Variants in CHD2 observed in about 807,000 individuals in gnomAD.
CHD2 encodes chromodomain helicase DNA binding protein 2.
Under a neutral mutation model 243.9 loss-of-function variants are expected in CHD2, and 28 were observed. That is an observed-to-expected ratio of 0.11 (90% CI 0.09 to 0.16). The LOEUF is 0.16. Among genes scored for constraint, CHD2 ranks in the 10% least tolerant of loss-of-function variants. CHD2 has a pLI of 1.00. For synonymous variants in CHD2, 775 were observed against 779.0 expected (o/e 0.99, Z 0.09); for missense variants, 1,386 against 2,209.8 (o/e 0.63, Z 7.47).
chr15:92,929,933 T>A lies in CHD2; in HGVS notation c.443+842T>A, dbSNP rs1274239612. ...ATTTCCTCATCTCCAAAAAAAAAAA[T>A]AATACCATCTACCCAACAGGATTAT... On this transcript the variant is annotated intron_variant, in intron 5 of 38. Coordinates refer to ENST00000394196, the MANE Select transcript of CHD2 (RefSeq NM_001271.4). Among the ~76,000 whole-genome samples, 6 of 151,820 alleles carry A rather than the reference T, an allele frequency of 4.0e-5. No homozygotes were observed. The East Asian group carries it at 5.8e-4, about 15-fold the overall frequency.
At chr15:92,987,683 G>T (rs758307995) in intron 26 of CHD2, among the ~76,000 whole-genome samples, 22 of 147,288 alleles carry the variant, frequency 1.5e-4, no homozygotes, top group Non-Finnish European at 1.6e-4. Flanking sequence ...TCTTTTTTTT[G>T]ATTGCAGTAT....
At chr15:92,939,491 AC>A (rs2053322609) in intron 6 of CHD2, 86 bp from the exon 7 acceptor site, 1 of 1,374,808 alleles carries the variant, frequency 7.3e-7, no homozygotes, top group African/African-American at 1.5e-5. Flanking sequence ...TGATGTATGA[AC>A]CACTGCTCTG....
At chr15:92,904,494 A>C (rs761174697) in intron 2 of CHD2, 2 of 990,060 alleles carry the variant, frequency 2.0e-6, no homozygotes, top group Non-Finnish European at 2.4e-6. Context: ...CGCCGAGGGG[A>C]AAAGGAAGGG....
At chr15:92,991,418 C>A in intron 26 of CHD2, 58 bp from the exon 27 acceptor site, 1 of 1,305,968 alleles carries the variant, frequency 7.7e-7, no homozygotes, top group Non-Finnish European at 1.1e-6. Context: ...ATGCTAGCAT[C>A]AACATAACTA....
intron 2 of CHD2, among the ~76,000 whole-genome samples, chr15:92,909,892 A>G (rs1037750124): frequency 1.3e-5 from 2 of 152,002 alleles, no homozygotes; most frequent in Non-Finnish European, 2.9e-5. Context: ...GTAGATTTAT[A>G]TTTATTGAGT....
chr15:93,015,386 CTAT>C (rs1212387579), intron 37 of CHD2, among the ~76,000 whole-genome samples: 2 of 152,148 alleles, frequency 1.3e-5, no homozygotes, highest in Non-Finnish European at 2.9e-5. Context: ...GCCCCCAGGA[CTAT>C]TATTTCAACT....
intron 12 of CHD2, 45 bp from the exon 13 acceptor site, chr15:92,948,904 ATAG>A: frequency 6.3e-7 from 1 of 1,575,610 alleles, no homozygotes; most frequent in East Asian, 2.2e-5. Flanking sequence ...GCGTTTTAAC[ATAG>A]TAGCAGTAAG....
intron 2 of CHD2, among the ~76,000 whole-genome samples, chr15:92,923,193 G>T (rs2052992397): frequency 6.6e-6 from 1 of 152,196 alleles, no homozygotes; most frequent in Admixed American, 6.5e-5. Flanking sequence ...GCTCCTATTA[G>T]TGAGAACCAC....
At chr15:92,940,837 TAA>T (rs1426808227) in intron 7 of CHD2, among the ~76,000 whole-genome samples, 1 of 136,632 alleles carries the variant, frequency 7.3e-6, no homozygotes, top group South Asian at 2.3e-4. Flanking sequence ...TATAAATATA[TAA>T]AAATATATAT....
chr15:93,018,570 G>C (rs554570339), intron 37 of CHD2, among the ~76,000 whole-genome samples: 1 of 152,310 alleles, frequency 6.6e-6, no homozygotes, highest in East Asian at 1.9e-4. Flanking sequence ...TCACAGACTA[G>C]GTGGCTTCAA....
intron 2 of CHD2, 121 bp downstream of exon 2, chr15:92,901,420 A>G (rs2052527630): frequency 1.3e-5 from 9 of 687,588 alleles, no homozygotes; most frequent in South Asian, 1.2e-4. Context: ...TCTAATTTGG[A>G]TTCGTTTTTT....
intron 16 of CHD2, among the ~76,000 whole-genome samples, chr15:92,961,975 A>C (rs1430487952): frequency 7.5e-6 from 1 of 134,134 alleles, no homozygotes; most frequent in Admixed American, 9.0e-5. Context: ...TCCGCCTTCC[A>C]GTTTCAAGTG....
In CHD2 at chr15:92,953,580, A is replaced by G; in HGVS notation, c.1719+7A>G. The G allele has an allele frequency of 6.2e-7, 1 of 1,611,262 alleles. No individual in the cohort carries two copies. On this transcript the variant is annotated splice_region_variant and intron_variant, in intron 14 of 38. Transcript: ENST00000394196. ...CCTGATGAGCAGAAATACGGTGTGT[A>G]AACAAAAAGAGCTGGGTTAGAATCT...
chr15:92,967,271 C>A, intron 16 of CHD2, 54 bp from the exon 17 acceptor site: 2 of 1,256,750 alleles, frequency 1.6e-6, no homozygotes, highest in African/African-American at 1.5e-5. Context: ...GTTTTTTTTC[C>A]TATTCTTCTT....
rs182024686 is a variant in CHD2, at chr15:92,942,392, C to T, written c.826+437C>T. Among the ~76,000 whole-genome samples, 1,049 of 147,016 alleles carry T rather than the reference C, an allele frequency of 7.1e-3. 12 individuals are homozygous for T. Among genetic ancestry groups the T allele is most frequent in the Non-Finnish European group, 7.6e-3 (506 of 66,924 alleles). ...GGAAATACCAAAATAATACTTAATGCTTTTTCTTTTGGCTTTTTTTTTTTT... is the reference window on the plus strand; with the variant it reads ...GGAAATACCAAAATAATACTTAATGTTTTTTCTTTTGGCTTTTTTTTTTTT... On this transcript the variant is annotated intron_variant, in intron 8 of 38. Transcript: ENST00000394196.
In CHD2 at chr15:93,014,829, C is replaced by G; in HGVS notation, c.4826C>G (p.Pro1609Arg). The G allele has an allele frequency of 6.2e-7, 1 of 1,614,170 alleles. No individual in the cohort carries two copies. ...HNLHPQKPHL[P>R]ASHGPQMHGH... ...CTTCACCCTCAGAAGCCTCATTTGC[C>G]TGCCTCCCATGGCCCACAGATGCAT... is the stretch of plus-strand genomic sequence containing the variant. The change falls in exon 37 of 39, where the codon CCT becomes CGT. Residue 1609 changes from proline (P) to arginine (R), a missense_variant. Around this residue, in one of 19 missense-constraint regions of CHD2, gnomAD observed 347 missense variants for 341.6 expected, o/e 1.02. Coordinates refer to ENST00000394196, the MANE Select transcript of CHD2 (RefSeq NM_001271.4).
chr15:93,004,470 A>G (rs1235024811), intron 33 of CHD2, 147 bp from the exon 34 acceptor site: 3 of 665,740 alleles, frequency 4.5e-6, no homozygotes, highest in Non-Finnish European at 7.0e-6. Flanking sequence ...TGTCTTCATG[A>G]TGTTTCAGGA....
chr15:93,000,368 A>G, intron 31 of CHD2, 144 bp from the exon 32 acceptor site: 5 of 820,952 alleles, frequency 6.1e-6, no homozygotes, highest in Non-Finnish European at 9.2e-6. Flanking sequence ...GTGAGGTAAA[A>G]TGAGTTGCAC....
At chr15:92,948,683 T>C (rs1035619877) in intron 12 of CHD2, among the ~76,000 whole-genome samples, 1 of 151,820 alleles carries the variant, frequency 6.6e-6, no homozygotes, top group Non-Finnish European at 1.5e-5. Flanking sequence ...AATACAAAAA[T>C]AGCCAGGCGT....
Sources: gnomAD v4.1 joint callset for allele counts (sites outside exome capture counted in the v4.1 genomes callset) on GRCh38, gnomAD v4.1.1 for gene constraint, gnomAD v4.1.1 regional missense constraint, MANE v1.5 for transcripts, NCBI Gene and HGNC (gene_info 2026-07-23, HGNC 2026-07-21) for gene names.